Variants in LARS1 observed in about 807,000 individuals in gnomAD.
The protein encoded by LARS1 is leucyl-tRNA synthetase 1, also known as leucine--tRNA ligase, cytoplasmic.
Under a neutral mutation model 162.8 loss-of-function variants are expected in LARS1, and 100 were observed. The observed-to-expected ratio is 0.61, with a 90% CI of 0.52 to 0.73. The LOEUF (loss-of-function observed/expected upper bound fraction) is 0.73. LARS1 is among the 30% of genes least tolerant of loss of function. LARS1 has a pLI of 0.00. For synonymous variants in LARS1, 457 were observed against 462.8 expected, an observed-to-expected ratio of 0.99 and a Z score of 0.16; for missense variants, 1,258 against 1,408.9, an observed-to-expected ratio of 0.89 and a Z score of 1.71.
In LARS1 at chr5:146,131,113, T is replaced by A; in HGVS notation, c.2397-4A>T. ...TATAATTCCTGCATTCAATTCACTA[T>A]TGAATACGGGGAAAAAAAGGTTATT... On this transcript the variant is annotated splice_polypyrimidine_tract_variant and splice_region_variant and intron_variant, in intron 23 of 31. Coordinates refer to ENST00000394434, the MANE Select transcript of LARS1 (RefSeq NM_020117.11). 6.8e-7 allele frequency: 1 copy of A among 1,473,296 alleles called. No homozygotes were observed. Among genetic ancestry groups the A allele is most frequent in the South Asian group, 1.2e-5 (1 of 82,942 alleles). 91.3% of individuals were successfully genotyped at this position (1,473,296 alleles called of 1,614,324 possible).
At chr5:146,138,552 C>T (rs1299679909) in intron 21 of LARS1, among the ~76,000 whole-genome samples, 1 of 151,266 alleles carries the variant, frequency 6.6e-6, no homozygotes, top group Non-Finnish European at 1.5e-5. Flanking sequence ...CATACTGAAA[C>T]CCTGTCTCTA....
chr5:146,121,628 A>G (rs1426111449), intron 30 of LARS1, among the ~76,000 whole-genome samples: 3 of 152,212 alleles, frequency 2.0e-5, no homozygotes, highest in Non-Finnish European at 2.9e-5. Context: ...CATATACAGC[A>G]TGGAATACTA....
At chr5:146,170,282 C>A (rs1255216197) in intron 4 of LARS1, among the ~76,000 whole-genome samples, 2 of 152,126 alleles carry the variant, frequency 1.3e-5, no homozygotes, top group African/African-American at 2.4e-5. Flanking sequence ...GCCTGCCCAA[C>A]ATGGTGAAAC....
rs573828595 is a variant in LARS1 at position 146,146,532 on chromosome 5, CAAAAAAAAAAAA to C, written c.1504-1835_1504-1824del. Among the ~76,000 whole-genome samples the C allele has an allele frequency of 1.5e-4, 4 of 26,502 alleles. 1 individual carries two copies. The highest frequency in any genetic ancestry group is 6.1e-4 in the African/African-American group (3 of 4,908). The allele number at this position is 26,502 out of a possible 152,430, so 17.4% of individuals were successfully genotyped here. On this transcript the variant is annotated intron_variant, in intron 15 of 31. Transcript: ENST00000394434. The stretch of plus-strand genomic sequence containing the variant: ...ATACTGCCCCTACCTATGCCAGAAC[CAAAAAAAAAAAA>C]AAAAAAAAAAAGGCTAATTCTCTGG...
chr5:146,136,671 G>A (rs569774619), intron 21 of LARS1, among the ~76,000 whole-genome samples: 7 of 151,906 alleles, frequency 4.6e-5, no homozygotes, highest in African/African-American at 1.2e-4. Context: ...TAGTAGAGAC[G>A]GGGTTTCACC....
intron 13 of LARS1, among the ~76,000 whole-genome samples, chr5:146,152,409 C>T (rs530470540): frequency 5.1e-4 from 78 of 152,292 alleles, no homozygotes; most frequent in African/African-American, 1.8e-3. Flanking sequence ...AGGTGAGGAA[C>T]GGGCGAGCAT....
Position 146,143,063 on chromosome 5 carries a change from T to G in LARS1, c.1899A>C (p.Glu633Asp), listed in dbSNP as rs1473974839. ...CCTTGAAGAAAACATAATCCCAAACTTCCTTGGTCATCTGTTGCGGTCTGT... is the reference window on the plus strand; with the variant it reads ...CCTTGAAGAAAACATAATCCCAAACGTCCTTGGTCATCTGTTGCGGTCTGT... ...LGIRPQQMTKEVWDYVFFKEA... is the reference protein window; with the variant it reads ...LGIRPQQMTKDVWDYVFFKEA... The change falls in exon 20 of 32, where the codon GAA becomes GAC. Residue 633 changes from glutamate to aspartate, a missense_variant. By Grantham distance (45) the Glu-to-Asp change is conservative (BLOSUM62 2). Transcript: ENST00000394434. 5.6e-6 allele frequency: 9 copies of G among 1,612,910 alleles called. No individual in the cohort carries two copies. Among genetic ancestry groups the G allele is most frequent in the Non-Finnish European group, 7.6e-6 (9 of 1,179,298 alleles).
At chr5:146,170,554 T>C (rs535121993) in intron 4 of LARS1, among the ~76,000 whole-genome samples, 1 of 151,944 alleles carries the variant, frequency 6.6e-6, no homozygotes, top group East Asian at 1.9e-4. Context: ...AAGACGATAA[T>C]ATAACATCAA....
chr5:146,169,387 A>T (rs537116993), intron 4 of LARS1, among the ~76,000 whole-genome samples: 2 of 152,182 alleles, frequency 1.3e-5, no homozygotes, highest in East Asian at 3.8e-4. Flanking sequence ...AGAAGTAAAA[A>T]TTTTTTAAAT....
chr5:146,151,874 T>A lies in LARS1; in HGVS notation c.1413A>T (p.Gly471=). Residue 471 remains glycine (G), a synonymous_variant, in exon 14 of 32, where the codon GGA becomes GGT. Coordinates refer to ENST00000394434, the MANE Select transcript of LARS1 (RefSeq NM_020117.11). ...AEAKEKIYLK[G]FYEGIMLVDG... ...AATTATTACTTACACCCTCATAAAA[T>A]CCTTTTAGATATATCTTCTCCTTTG... The A allele has an allele frequency of 6.2e-7, 1 of 1,613,584 alleles. No homozygotes were observed. Among genetic ancestry groups the A allele is most frequent in the Non-Finnish European group, 8.5e-7 (1 of 1,179,780 alleles).
chr5:146,172,658 C>G lies in LARS1; in HGVS notation c.213+29G>C, dbSNP rs780247369. 5.3e-6 allele frequency: 7 copies of G among 1,316,752 alleles called. No homozygotes were observed. In the South Asian group the frequency reaches 9.7e-5, roughly 18 times the overall value. 81.6% of individuals were successfully genotyped at this position (1,316,752 alleles called of 1,614,324 possible). The stretch of plus-strand genomic sequence containing the variant: ...CAATATTCGTTAAAAACCTTCCTCC[C>G]CATTATAGCAAACATAGGGAAACAT... On this transcript the variant is annotated intron_variant, in intron 3 of 31. Transcript: ENST00000394434.
In LARS1 at chr5:146,140,374, G is replaced by A. The variant is rs536194319; in HGVS notation, c.2091-113C>T. ...CATAAAGGCTTGCTAAGATAAAAGT[G>A]CAAGGATATACACTATAGTCCTTTT... On this transcript the variant is annotated intron_variant, in intron 20 of 31. Coordinates refer to ENST00000394434, the MANE Select transcript of LARS1 (RefSeq NM_020117.11). The A allele has an allele frequency of 5.2e-5, 40 of 773,652 alleles. No homozygotes were observed. In the Admixed American group the frequency reaches 7.3e-4, roughly 14 times the overall value. The allele number at this position is 773,652 out of a possible 1,614,324, so 47.9% of individuals were successfully genotyped here. A position where few individuals can be genotyped will look rare whatever the true frequency, so the allele number is the denominator to read the frequency against.
intron 21 of LARS1, among the ~76,000 whole-genome samples, chr5:146,139,872 CAAAAAAAAA>C (rs34203668): frequency 2.4e-5 from 2 of 83,374 alleles, no homozygotes; most frequent in East Asian, 7.0e-4. Flanking sequence ...GACTCCGTCT[CAAAAAAAAA>C]AAAAAAAAAA....
intron 1 of LARS1, 47 bp from the exon 2 acceptor site, chr5:146,177,712 G>C (rs375986175): frequency 4.0e-6 from 4 of 1,011,816 alleles, no homozygotes; most frequent in Non-Finnish European, 5.9e-6. Flanking sequence ...CAGCACGCTT[G>C]CTTTAAAAAA....
At chr5:146,175,317 A>T (rs978400527) in intron 2 of LARS1, among the ~76,000 whole-genome samples, 1 of 151,364 alleles carries the variant, frequency 6.6e-6, no homozygotes, top group Non-Finnish European at 1.5e-5. Context: ...AGTCGGAGGC[A>T]GGCGGATCAT....
In LARS1 at chr5:146,120,479, TCACCAGAGAAACGGACA is replaced by T; in HGVS notation, c.3200_3216del (p.Val1067GlufsTer14). 6.2e-7 allele frequency: 1 copy of T among 1,613,058 alleles called. No homozygotes were observed. Among genetic ancestry groups the T allele is most frequent in the Non-Finnish European group, 8.5e-7 (1 of 1,179,366 alleles). On this transcript the variant is annotated frameshift_variant, in exon 31 of 32. Transcript: ENST00000394434. LOFTEE classifies it high-confidence loss of function. The stretch of plus-strand genomic sequence containing the variant: ...AAGTGGCCATTGGATGGCTGGGGAT[TCACCAGAGAAACGGACA>T]CACCAGGCTAGGAAAACAACAAGAA...
intron 2 of LARS1, among the ~76,000 whole-genome samples, chr5:146,174,946 G>A (rs1428371490): frequency 6.6e-6 from 1 of 152,052 alleles, no homozygotes; most frequent in Non-Finnish European, 1.5e-5. Flanking sequence ...AATGCTGGGT[G>A]CAGTGGCCCA....
Position 146,124,059 on chromosome 5 carries a change from T to C in LARS1, c.3019A>G (p.Ile1007Val), listed in dbSNP as rs751925939. Residue 1007 changes from isoleucine to valine, a missense_variant, in exon 29 of 32, where the codon ATT becomes GTT. By Grantham distance (29) the Ile-to-Val change is conservative (BLOSUM62 3). Transcript: ENST00000394434. ...KENLEKMGPR[I>V]LDLQLEFDEK... ...TCAAATTCTAATTGCAAATCCAGAA[T>C]ACGAGGCCCCATCTTCTCCAGATTT... 6.2e-7 allele frequency: 1 copy of C among 1,609,908 alleles called. No homozygotes were observed.
chr5:146,169,919 CACTAAATGGGACAAATT>C (rs1176588572), intron 4 of LARS1, among the ~76,000 whole-genome samples: 2 of 152,108 alleles, frequency 1.3e-5, no homozygotes, highest in African/African-American at 4.8e-5. Flanking sequence ...AACTTAATTT[CACTAAATGGGACAAATT>C]ACCATTTTAT....
Sources: gnomAD v4.1 joint callset for allele counts (sites outside exome capture counted in the v4.1 genomes callset) on GRCh38, gnomAD v4.1.1 for gene constraint, MANE v1.5 for transcripts, NCBI Gene and HGNC (gene_info 2026-07-23, HGNC 2026-07-21) for gene names.